OR6J1: variants seen among roughly 807,000 people sequenced by gnomAD.
The protein encoded by OR6J1 is olfactory receptor 6J1.
For missense variants in OR6J1, 304 were observed against 166.8 expected (o/e 1.82, Z -4.53); for synonymous variants, 109 against 70.0 (o/e 1.56, Z -2.78).
chr14:22,632,316 C>G lies in OR6J1; in HGVS notation c.*1452G>C, dbSNP rs1459967579. On this transcript the variant is annotated 3_prime_UTR_variant, in exon 2 of 2. Coordinates refer to ENST00000540461, the MANE Select transcript of OR6J1 (RefSeq NM_001348233.2). ...GGCGCAGTGGCTCATGCCTCTAATC[C>G]CAGCACTTTGGGAGGCCGATGTGGG... is the stretch of plus-strand genomic sequence containing the variant. 6.6e-6 allele frequency: 1 copy of G among 152,226 alleles called. No homozygotes were observed. Among genetic ancestry groups the G allele is most frequent in the African/African-American group, 2.4e-5 (1 of 41,434 alleles). The allele number at this position is 152,226 out of a possible 1,614,324, so 9.4% of individuals were successfully genotyped here.
intron 1 of OR6J1, among the ~76,000 whole-genome samples, chr14:22,643,412 C>G (rs867905515): frequency 6.6e-6 from 1 of 151,956 alleles, no homozygotes; most frequent in African/African-American, 2.4e-5. Flanking sequence ...CCTCCCACCT[C>G]AGACTCCCAA....
At chr14:22,635,329 T>C (rs902210307) in intron 1 of OR6J1, among the ~76,000 whole-genome samples, 1 of 152,232 alleles carries the variant, frequency 6.6e-6, no homozygotes, top group Non-Finnish European at 1.5e-5. Context: ...TTAAAAATTA[T>C]ATTTTACAGT....
chr14:22,633,656 T>C lies in OR6J1; in HGVS notation c.*112A>G. ...ACACAGCTGCGGTCACAGATTAAAG[T>C]GAAAACCAAGGCCAGCGTTCAAGTC... On this transcript the variant is annotated 3_prime_UTR_variant, in exon 2 of 2. Transcript: ENST00000540461. 1.7e-6 allele frequency: 1 copy of C among 598,518 alleles called. No homozygotes were observed. The highest frequency in any genetic ancestry group is 3.0e-6 in the Non-Finnish European group (1 of 337,778). The allele number at this position is 598,518 out of a possible 1,614,324, so 37.1% of individuals were successfully genotyped here. A position where few individuals can be genotyped will look rare whatever the true frequency, so the allele number is the denominator to read the frequency against.
At chr14:22,637,051 A>G (rs1488209408) in intron 1 of OR6J1, among the ~76,000 whole-genome samples, 2 of 108,234 alleles carry the variant, frequency 1.8e-5, no homozygotes, top group Non-Finnish European at 3.5e-5. Context: ...TGTGGGGAGC[A>G]CCTCTGCCCC....
In OR6J1 at chr14:22,631,004, C is replaced by T. The variant is rs1359249964; in HGVS notation, c.*2764G>A. 6.6e-6 allele frequency: 1 copy of T among 152,176 alleles called. No individual in the cohort carries two copies. Among genetic ancestry groups the T allele is most frequent in the African/African-American group, 2.4e-5 (1 of 41,432 alleles). The allele number at this position is 152,176 out of a possible 1,614,324, so 9.4% of individuals were successfully genotyped here. A position where few individuals can be genotyped will look rare whatever the true frequency, so the allele number is the denominator to read the frequency against. On this transcript the variant is annotated 3_prime_UTR_variant, in exon 2 of 2. Coordinates refer to ENST00000540461, the MANE Select transcript of OR6J1 (RefSeq NM_001348233.2). ...CATGATGCCCCCCAAGCCACAAAAA[C>T]CAGCAAGTTTTTATTAGGGACTTTC...
chr14:22,639,491 C>T (rs1263776410), intron 1 of OR6J1, among the ~76,000 whole-genome samples: 1 of 132,820 alleles, frequency 7.5e-6, no homozygotes, highest in Non-Finnish European at 1.6e-5. Flanking sequence ...GTGTGCCCAA[C>T]AGCTCATTGA....
chr14:22,643,756 C>CAGAG (rs1193688098), intron 1 of OR6J1, among the ~76,000 whole-genome samples: 160 of 73,042 alleles, frequency 2.2e-3, no homozygotes, highest in Admixed American at 0.01. Context: ...CACACACACA[C>CAGAG]ACACACACAG....
At chr14:22,640,485 A>ATTTTT (rs1299631664) in intron 1 of OR6J1, among the ~76,000 whole-genome samples, 2 of 118,026 alleles carry the variant, frequency 1.7e-5, no homozygotes, top group East Asian at 2.4e-4. Flanking sequence ...GTGAGAATGT[A>ATTTTT]TTTTTTTTTT....
chr14:22,634,296 G>T lies in OR6J1; in HGVS notation c.516C>A (p.Ile172=). ...CACTGTCACAGAAGAAGTGGTTAATGATATTGGAGCCACAGAAGGGCAGCT... is the reference window on the plus strand; with the variant it reads ...CACTGTCACAGAAGAAGTGGTTAATTATATTGGAGCCACAGAAGGGCAGCT... ...ISQLPFCGSN[I]INHFFCDSGP... is the part of the protein sequence containing the mutation. The change falls in exon 2 of 2, where the codon ATC becomes ATA. Residue 172 remains isoleucine, a synonymous_variant. Transcript: ENST00000540461. 1.4e-6 allele frequency: 1 copy of T among 703,384 alleles called. No homozygotes were observed. Among genetic ancestry groups the T allele is most frequent in the South Asian group, 1.5e-5 (1 of 67,588 alleles). The allele number at this position is 703,384 out of a possible 1,614,324, so 43.6% of individuals were successfully genotyped here. A position where few individuals can be genotyped will look rare whatever the true frequency, so the allele number is the denominator to read the frequency against.
At chr14:22,641,541 A>AAGAG (rs2139298842) in intron 1 of OR6J1, among the ~76,000 whole-genome samples, 1 of 141,774 alleles carries the variant, frequency 7.1e-6, no homozygotes, top group Non-Finnish European at 1.6e-5. Context: ...GAAAGAAAGA[A>AAGAG]GGAAGGAAGA....
At chr14:22,641,237 GAAAGAAAGA>G (rs2037644834) in intron 1 of OR6J1, among the ~76,000 whole-genome samples, 1 of 30,328 alleles carries the variant, frequency 3.3e-5, no homozygotes, top group South Asian at 1.2e-3. Flanking sequence ...AAGAAAGAAA[GAAAGAAAGA>G]AAGAAAGAAA....
At chr14:22,635,846 T>C (rs1042583266) in intron 1 of OR6J1, among the ~76,000 whole-genome samples, 3 of 152,108 alleles carry the variant, frequency 2.0e-5, no homozygotes, top group Non-Finnish European at 4.4e-5. Context: ...GAAGAAAAGA[T>C]AGAAGAATGT....
rs1306303095 is a variant in OR6J1, at chr14:22,636,228, C to A, written c.-27-1390G>T. On this transcript the variant is annotated intron_variant, in intron 1 of 1. Coordinates refer to ENST00000540461, the MANE Select transcript of OR6J1 (RefSeq NM_001348233.2). ...AAATATAAATTAAGACACTAGCGCC[C>A]TCTCCCTCTCCCTCTCCCTCTCCCT... is the stretch of plus-strand genomic sequence containing the variant. Among the ~76,000 whole-genome samples, 10 of 636 alleles carry A rather than the reference C, an allele frequency of 0.016. No individual in the cohort carries two copies. The South Asian group carries it at 0.27, about 17-fold the overall frequency. 0.4% of individuals were successfully genotyped at this position (636 alleles called of 152,430 possible). A position where few individuals can be genotyped will look rare whatever the true frequency, so the allele number is the denominator to read the frequency against.
chr14:22,640,216 G>GGAAGGAT (rs2037633081), intron 1 of OR6J1, among the ~76,000 whole-genome samples: 1 of 110,644 alleles, frequency 9.0e-6, no homozygotes, highest in African/African-American at 3.9e-5. Flanking sequence ...GAGGGAGGGA[G>GGAAGGAT]GGAGGGAGGG....
rs1319522351 is a variant in OR6J1 at position 22,641,303 on chromosome 14, A to G, written c.-28+2795T>C. 1.2e-3 allele frequency among the ~76,000 whole-genome samples: 59 copies of G among 50,726 alleles called. 1 individual carries two copies. Among genetic ancestry groups the G allele is most frequent in the East Asian group, 6.8e-3 (9 of 1,328 alleles). 33.3% of individuals were successfully genotyped at this position (50,726 alleles called of 152,430 possible). A position where few individuals can be genotyped will look rare whatever the true frequency, so the allele number is the denominator to read the frequency against. ...GAAGAAAGAGAAGAAAGAGAGACAG[A>G]GAGGAAAGAGAGAGAGAGGAAGGAA... On this transcript the variant is annotated intron_variant, in intron 1 of 1. Transcript: ENST00000540461.
rs556471088 is a variant in OR6J1, at chr14:22,640,600, C to T, written c.-28+3498G>A. 3.3e-5 allele frequency among the ~76,000 whole-genome samples: 5 copies of T among 150,004 alleles called. No individual in the cohort carries two copies. The South Asian group carries it at 1.1e-3, about 32-fold the overall frequency. ...CTCAGCCTCCCTGGATCAAGTGATC[C>T]TCCCACCTCAGCCTCCCAAGAATCT... On this transcript the variant is annotated intron_variant, in intron 1 of 1. Coordinates refer to ENST00000540461, the MANE Select transcript of OR6J1 (RefSeq NM_001348233.2).
At chr14:22,641,414 G>T (rs2037649420) in intron 1 of OR6J1, among the ~76,000 whole-genome samples, 1 of 58,028 alleles carries the variant, frequency 1.7e-5, no homozygotes, top group African/African-American at 8.7e-5. Context: ...AGGATGGAAG[G>T]AAGGAAGAGA....
At chr14:22,641,381 GAA>G (rs1440449912) in intron 1 of OR6J1, among the ~76,000 whole-genome samples, 2 of 77,636 alleles carry the variant, frequency 2.6e-5, no homozygotes, top group African/African-American at 5.4e-5. Context: ...AGAGAAGAAA[GAA>G]AGAGAGAGAG....
rs1200378630 is a variant in OR6J1, at chr14:22,634,823, G to A, written c.-12C>T. On this transcript the variant is annotated 5_prime_UTR_variant, in exon 2 of 2. Coordinates refer to ENST00000540461, the MANE Select transcript of OR6J1 (RefSeq NM_001348233.2). Reference sequence around the variant, plus strand: ...GTCCAGTTACCCATGGGCCTGGTGGGCCTGGCTCAATTCTCCTAACAGAAC... The same window carrying A: ...GTCCAGTTACCCATGGGCCTGGTGGACCTGGCTCAATTCTCCTAACAGAAC... 1 of 666,220 alleles carries A rather than the reference G, an allele frequency of 1.5e-6. No individual in the cohort carries two copies. The highest frequency in any genetic ancestry group is 2.7e-6 in the Non-Finnish European group (1 of 367,712). The allele number at this position is 666,220 out of a possible 1,614,324, so 41.3% of individuals were successfully genotyped here. A position where few individuals can be genotyped will look rare whatever the true frequency, so the allele number is the denominator to read the frequency against.
Sources: allele counts gnomAD v4.1 joint callset (sites outside exome capture counted in the v4.1 genomes callset), GRCh38; gene constraint gnomAD v4.1.1; transcripts MANE v1.5; gene names NCBI Gene and HGNC (gene_info 2026-07-23, HGNC 2026-07-21).